The following MACF1 variants were observed in gnomAD, a reference collection of about 807,000 sequenced individuals.
MACF1 encodes the protein microtubule actin crosslinking factor 1.
In MACF1, 193 loss-of-function variants were observed where a neutral mutation model predicts 854.8. The ratio of observed to expected loss-of-function variants is 0.23; its 90% CI spans 0.20 to 0.25. The LOEUF is 0.25. Among genes scored for constraint, MACF1 ranks in the 10% least tolerant of loss-of-function variants. MACF1 has a pLI of 1.00. For missense variants in MACF1, 7,722 were observed against 8,929.1 expected, an observed-to-expected ratio of 0.86 and a Z score of 5.45; for synonymous variants, 3,185 against 3,226.7, an observed-to-expected ratio of 0.99 and a Z score of 0.44.
chr1:39,466,560 G>T (rs1238988860), intron 95 of MACF1, among the ~76,000 whole-genome samples: 2 of 152,162 alleles, frequency 1.3e-5, no homozygotes, highest in African/African-American at 4.8e-5. Context: ...CATACTCCCT[G>T]CCTCTCACCC....
chr1:39,468,446 A>G (rs1196904837), intron 95 of MACF1, 169 bp from the exon 96 acceptor site: 4 of 576,920 alleles, frequency 6.9e-6, no homozygotes, highest in Non-Finnish European at 9.2e-6. Context: ...CTGCTTTTCT[A>G]TTTTTAAAAT....
chr1:39,114,324 A>G (rs1179950542), intron 2 of MACF1, among the ~76,000 whole-genome samples: 1 of 152,164 alleles, frequency 6.6e-6, no homozygotes, highest in East Asian at 1.9e-4. Context: ...ATCAAAGTCC[A>G]TGACTCTAAA....
Position 39,236,863 on chromosome 1 carries a change from A to G in MACF1, c.171+5620A>G, listed in dbSNP as rs150175681. 4.2e-3 allele frequency among the ~76,000 whole-genome samples: 632 copies of G among 152,008 alleles called. 1 individual carries two copies. The highest frequency in any genetic ancestry group is 5.5e-3 in the Non-Finnish European group (371 of 68,008). ...TTTTTAGTAGAGACAGGGTTATACC[A>G]TATTGGCCAGGCTGCTCTCCTGGGC... On this transcript the variant is annotated intron_variant, in intron 2 of 100. Transcript: ENST00000564288.
chr1:39,205,259 G>C, intron 1 of MACF1, 128 bp downstream of exon 1: 1 of 645,858 alleles, frequency 1.5e-6, no homozygotes, highest in Non-Finnish European at 2.8e-6. Context: ...GGTGCTGTCA[G>C]ACTTAAGAGT....
At chr1:39,299,833 A>G (rs1379544683) in intron 21 of MACF1, among the ~76,000 whole-genome samples, 1 of 152,242 alleles carries the variant, frequency 6.6e-6, no homozygotes, top group Non-Finnish European at 1.5e-5. Flanking sequence ...ACTAATAATA[A>G]TATACCTATT....
At chr1:39,202,634 CA>C (rs150582591), upstream of MACF1, among the ~76,000 whole-genome samples, 1,700 of 140,634 alleles carry the variant, frequency 0.012, 17 homozygotes, top group South Asian at 0.03. Flanking sequence ...GACTCTGTCT[CA>C]AAAAAAAAAA....
intron 58 of MACF1, among the ~76,000 whole-genome samples, chr1:39,395,612 T>C (rs1642242187): frequency 6.6e-6 from 1 of 152,186 alleles, no homozygotes; most frequent in Admixed American, 6.5e-5. Context: ...AGCTTCCTTG[T>C]TCTGTGCCTT....
intron 1 of MACF1, among the ~76,000 whole-genome samples, chr1:39,230,091 T>A (rs954220116): frequency 5.9e-5 from 9 of 151,804 alleles, no homozygotes; most frequent in African/African-American, 2.2e-4. Flanking sequence ...ATGAATAGGG[T>A]AAAATAAGAA....
At chr1:39,300,946 G>A (rs1293835954) in intron 22 of MACF1, among the ~76,000 whole-genome samples, 1 of 152,014 alleles carries the variant, frequency 6.6e-6, no homozygotes, top group Non-Finnish European at 1.5e-5. Context: ...CGCTTGAGCC[G>A]AGGAAGTGGA....
At position 39,283,564 on chromosome 1, in the gene MACF1, T is replaced by C; in HGVS notation, c.915+49T>C. 1 of 1,307,566 alleles carries C rather than the reference T, an allele frequency of 7.6e-7. No individual in the cohort carries two copies. The highest frequency in any genetic ancestry group is 1.2e-5 in the South Asian group (1 of 83,908). The allele number at this position is 1,307,566 out of a possible 1,614,324, so 81.0% of individuals were successfully genotyped here. A position where few individuals can be genotyped will look rare whatever the true frequency, so the allele number is the denominator to read the frequency against. On this transcript the variant is annotated intron_variant, in intron 9 of 100. Coordinates refer to ENST00000564288, the MANE Select transcript of MACF1 (RefSeq NM_001394062.1). The surrounding 1 kb of genome is among the most constrained non-coding windows in gnomAD (Gnocchi z 4.5). ...GCCTTCTGACTTTGATTCATTTGGG[T>C]GAAATGCATTGGTTAGACACTTTCT... is the stretch of plus-strand genomic sequence containing the variant.
At position 39,227,756 on chromosome 1, in the gene MACF1, A is replaced by T. The variant is rs768640454; in HGVS notation, c.110-3426A>T. On this transcript the variant is annotated intron_variant, in intron 1 of 100. Coordinates refer to ENST00000564288, the MANE Select transcript of MACF1 (RefSeq NM_001394062.1). ...CCTAGTTGTCTTTCAGCTATTCCTA[A>T]TTATGTGCAGTTCTTTGAACATAAG... is the stretch of plus-strand genomic sequence containing the variant. Among the ~76,000 whole-genome samples, 4 of 152,154 alleles carry T rather than the reference A, an allele frequency of 2.6e-5. No individual in the cohort carries two copies. The South Asian group carries it at 8.3e-4, about 32-fold the overall frequency.
chr1:39,225,277 C>T (rs1460635516), intron 1 of MACF1, among the ~76,000 whole-genome samples: 24 of 138,426 alleles, frequency 1.7e-4, no homozygotes, highest in Admixed American at 2.4e-4. Flanking sequence ...ACTGCAGTGG[C>T]GCAATCTCGG....
intron 2 of MACF1, among the ~76,000 whole-genome samples, chr1:39,124,389 C>T (rs1378154114): frequency 6.6e-6 from 1 of 152,092 alleles, no homozygotes; most frequent in Non-Finnish European, 1.5e-5. Context: ...GGGGAACTCT[C>T]TATTTCATAG....
rs766885627 is a variant in MACF1 at position 39,317,373 on chromosome 1, C to T, written c.3748C>T (p.Arg1250Cys). Residue 1250 changes from arginine to cysteine, a missense_variant, in exon 29 of 101, where the codon CGT (arginine) becomes TGT (cysteine). Transcript: ENST00000564288. Reference sequence around the variant, plus strand: ...GGAAAAAGGCTCCCAGCTGCAGGAGCGTTGGCACCGAGTCATTGCCCAGCT... The same window carrying T: ...GGAAAAAGGCTCCCAGCTGCAGGAGTGTTGGCACCGAGTCATTGCCCAGCT... ...YQEKGSQLQE[R>C]WHRVIAQLEI... The T allele has an allele frequency of 6.2e-6, 10 of 1,613,098 alleles. No homozygotes were observed. The highest frequency in any genetic ancestry group is 1.7e-5 in the Admixed American group (1 of 60,000).
chr1:39,382,923 C>G (rs1650366659), intron 56 of MACF1, among the ~76,000 whole-genome samples: 2 of 151,834 alleles, frequency 1.3e-5, no homozygotes, highest in African/African-American at 4.8e-5. Flanking sequence ...GAGTTCAAGA[C>G]CAGCCTGGCC....
intron 94 of MACF1, chr1:39,464,228 G>C (rs1644614948): frequency 2.6e-5 from 4 of 153,788 alleles, no homozygotes; most frequent in Admixed American, 2.6e-4. Flanking sequence ...GCTTCTTTTG[G>C]GACCAGGGTC....
intron 2 of MACF1, among the ~76,000 whole-genome samples, chr1:39,248,133 T>TAC (rs1645002578): frequency 6.6e-6 from 1 of 152,202 alleles, no homozygotes; most frequent in African/African-American, 2.4e-5. Context: ...CACACATACA[T>TAC]ACACACATAC....
chr1:39,195,548 A>G (rs1644308690), intron 2 of MACF1, among the ~76,000 whole-genome samples: 1 of 152,240 alleles, frequency 6.6e-6, no homozygotes, highest in African/African-American at 2.4e-5. Context: ...AGAAACAGAT[A>G]AAGTATAATA....
chr1:39,244,262 G>T (rs1207095985), intron 2 of MACF1, among the ~76,000 whole-genome samples: 1 of 151,108 alleles, frequency 6.6e-6, no homozygotes, highest in Non-Finnish European at 1.5e-5. Context: ...GCCCCACCAC[G>T]CCCCGCTAAT....
Sources: allele counts gnomAD v4.1 joint callset (sites outside exome capture counted in the v4.1 genomes callset), GRCh38; gene constraint gnomAD v4.1.1; non-coding constraint Gnocchi (gnomAD v3.1); transcripts MANE v1.5; gene names NCBI Gene and HGNC (gene_info 2026-07-23, HGNC 2026-07-21).